Variants in NLGN1 observed in about 807,000 individuals in gnomAD.
NLGN1 encodes neuroligin-1.
Under a neutral mutation model 65.5 loss-of-function variants are expected in NLGN1, and 12 were observed. The observed-to-expected ratio is 0.18, with a 90% CI of 0.12 to 0.30. NLGN1 has a LOEUF of 0.30. Ranked by LOEUF, NLGN1 falls within the 10% of genes least tolerant of loss-of-function variation. NLGN1 has a pLI of 1.00. For synonymous variants in NLGN1, 350 were observed against 359.5 expected, an observed-to-expected ratio of 0.97 and a Z score of 0.30; for missense variants, 750 against 1,007.1, an observed-to-expected ratio of 0.74 and a Z score of 3.46.
At chr3:173,699,674 G>A (rs1766813798) in intron 3 of NLGN1, among the ~76,000 whole-genome samples, 1 of 152,134 alleles carries the variant, frequency 6.6e-6, no homozygotes. Flanking sequence ...TGAGTTCCTG[G>A]TTTTCACTAT....
intron 4 of NLGN1, among the ~76,000 whole-genome samples, chr3:174,113,034 A>G (rs930593582): frequency 5.3e-5 from 8 of 151,908 alleles, no homozygotes; most frequent in Non-Finnish European, 1.5e-5. Context: ...CCTTATGCCC[A>G]TTTTCAAGAA....
rs377573154 is a variant in NLGN1 at position 174,036,778 on chromosome 3, C to T, written c.646+228946C>T. ...CCACCCTGTGCCCTCCAATAGACCC[C>T]AGTGTGTGGGGTTCCCCTCTCTGTG... is the stretch of plus-strand genomic sequence containing the variant. On this transcript the variant is annotated intron_variant, in intron 4 of 6. Coordinates refer to ENST00000457714, the Ensembl canonical transcript of NLGN1. Among the ~76,000 whole-genome samples the T allele has an allele frequency of 1.1e-4, 17 of 152,050 alleles. 1 individual carries two copies. The East Asian group carries it at 2.9e-3, about 26-fold the overall frequency.
chr3:173,720,534 G>A (rs879536159), intron 3 of NLGN1, among the ~76,000 whole-genome samples: 1 of 152,142 alleles, frequency 6.6e-6, no homozygotes, highest in Non-Finnish European at 1.5e-5. Context: ...ATGAGAAGGT[G>A]GGAGTGGATA....
intron 3 of NLGN1, among the ~76,000 whole-genome samples, chr3:173,723,122 G>C (rs774859180): frequency 2.0e-5 from 3 of 152,156 alleles, no homozygotes; most frequent in Non-Finnish European, 4.4e-5. Flanking sequence ...TTTTCAAAGC[G>C]ATACTTGAAG....
intron 4 of NLGN1, among the ~76,000 whole-genome samples, chr3:173,971,436 T>C (rs1336752517): frequency 6.6e-6 from 1 of 152,002 alleles, no homozygotes; most frequent in Admixed American, 6.6e-5. Flanking sequence ...CAGAGGATGA[T>C]GATGATGATG....
At chr3:173,727,907 A>C (rs1772073848) in intron 3 of NLGN1, among the ~76,000 whole-genome samples, 1 of 152,164 alleles carries the variant, frequency 6.6e-6, no homozygotes, top group South Asian at 2.1e-4. Context: ...TTTCCCACTG[A>C]GTTGCAGAAG....
chr3:174,275,948 A>T (rs1316915398), intron 5 of NLGN1, among the ~76,000 whole-genome samples: 3 of 151,892 alleles, frequency 2.0e-5, no homozygotes, highest in Non-Finnish European at 2.9e-5. Context: ...ATTAGTATGA[A>T]GCTAACGAAG....
At chr3:173,426,524 G>A (rs1044627569) in intron 1 of NLGN1, among the ~76,000 whole-genome samples, 1 of 151,928 alleles carries the variant, frequency 6.6e-6, no homozygotes, top group Non-Finnish European at 1.5e-5. Context: ...TTTGTTGAGA[G>A]TTTTTATTAT....
chr3:173,744,582 C>T (rs555276435), intron 3 of NLGN1, among the ~76,000 whole-genome samples: 4 of 152,162 alleles, frequency 2.6e-5, no homozygotes, highest in East Asian at 1.9e-4. Flanking sequence ...AGCTGAGATC[C>T]GAGAGATAAG....
chr3:173,972,809 A>T (rs1406721526), intron 4 of NLGN1, among the ~76,000 whole-genome samples: 1 of 152,062 alleles, frequency 6.6e-6, no homozygotes, highest in Non-Finnish European at 1.5e-5. Flanking sequence ...GGCTAGTAGC[A>T]TCAACATCTC....
intron 3 of NLGN1, among the ~76,000 whole-genome samples, chr3:173,651,334 A>G (rs1759145449): frequency 6.6e-6 from 1 of 151,408 alleles, no homozygotes; most frequent in South Asian, 2.1e-4. Context: ...AAGTTGTTAT[A>G]TATATATTAC....
chr3:174,112,802 A>C (rs1351656041), intron 4 of NLGN1, among the ~76,000 whole-genome samples: 4 of 151,910 alleles, frequency 2.6e-5, no homozygotes, highest in African/African-American at 9.7e-5. Flanking sequence ...TTTTAGACCC[A>C]TTATTGATTA....
At chr3:173,679,117 C>G (rs1368966474) in intron 3 of NLGN1, among the ~76,000 whole-genome samples, 3 of 145,848 alleles carry the variant, frequency 2.1e-5, no homozygotes, top group African/African-American at 5.1e-5. Flanking sequence ...TATTTTGCAG[C>G]CCCGATGTGA....
intron 1 of NLGN1, among the ~76,000 whole-genome samples, chr3:173,407,869 T>C (rs1362235050): frequency 6.6e-6 from 1 of 152,242 alleles, no homozygotes; most frequent in African/African-American, 2.4e-5. Context: ...ATAACAATTA[T>C]ACATTTATTT....
chr3:173,546,260 T>A (rs1739813918), intron 2 of NLGN1, among the ~76,000 whole-genome samples: 1 of 152,184 alleles, frequency 6.6e-6, no homozygotes, highest in African/African-American at 2.4e-5. Context: ...TTCTATTTTG[T>A]GAAATAGTGA....
intron 1 of NLGN1, among the ~76,000 whole-genome samples, chr3:173,423,808 A>C (rs1007637302): frequency 1.3e-5 from 2 of 152,174 alleles, no homozygotes; most frequent in Non-Finnish European, 2.9e-5. Flanking sequence ...TCTGGGGTCT[A>C]GAGGGTGGTG....
chr3:173,773,216 G>A (rs1443815606), intron 3 of NLGN1, among the ~76,000 whole-genome samples: 1 of 152,122 alleles, frequency 6.6e-6, no homozygotes, highest in African/African-American at 2.4e-5. Flanking sequence ...ACTCCTTAAA[G>A]CTTCTCATAC....
intron 1 of NLGN1, among the ~76,000 whole-genome samples, chr3:173,431,164 A>G (rs906556416): frequency 1.3e-5 from 2 of 152,142 alleles, no homozygotes; most frequent in East Asian, 3.9e-4. Flanking sequence ...GGCGGAACAC[A>G]TGAACTTTTA....
intron 4 of NLGN1, among the ~76,000 whole-genome samples, chr3:174,207,943 G>A (rs1735735490): frequency 6.6e-6 from 1 of 152,140 alleles, no homozygotes; most frequent in East Asian, 1.9e-4. Context: ...AAATGCAAAC[G>A]CTGCATGTAT....
Sources: gnomAD v4.1 joint callset for allele counts (sites outside exome capture counted in the v4.1 genomes callset) on GRCh38, gnomAD v4.1.1 for gene constraint, MANE v1.5 for transcripts, NCBI Gene and HGNC (gene_info 2026-07-23, HGNC 2026-07-21) for gene names.